TMLHE: variants seen among roughly 807,000 people sequenced by gnomAD.
The protein encoded by TMLHE is trimethyllysine dioxygenase, mitochondrial.
TMLHE carries 18 observed loss-of-function variants against 25.7 expected under a neutral mutation model. That is an observed-to-expected ratio of 0.70 (90% confidence interval 0.48 to 1.04). The LOEUF (loss-of-function observed/expected upper bound fraction) is 1.04. Ranked by LOEUF, TMLHE falls within the 50% of genes least tolerant of loss-of-function variation. TMLHE has a pLI of 0.00. For synonymous variants in TMLHE, 105 were observed against 97.0 expected (o/e 1.08, Z -0.49); for missense variants, 236 against 259.0 (o/e 0.91, Z 0.61).
intron 2 of TMLHE, among the ~76,000 whole-genome samples, chrX:155,530,622 T>C (rs1557336986): frequency 8.9e-6 from 1 of 112,522 alleles, no homozygotes; most frequent in African/African-American, 3.2e-5. Context: ...TGCTTCACTA[T>C]AGTAACCATT....
At chrX:155,550,837 G>C (rs1292172751) in intron 1 of TMLHE, among the ~76,000 whole-genome samples, 1 of 110,567 alleles carries the variant, frequency 9.0e-6, no homozygotes. Context: ...TTGGTTATTT[G>C]GTTACTATGT....
At chrX:155,551,658 G>A (rs782760706) in intron 1 of TMLHE, among the ~76,000 whole-genome samples, 1 of 109,612 alleles carries the variant, frequency 9.1e-6, no homozygotes, top group South Asian at 3.8e-4. Flanking sequence ...ATCCTCTGAA[G>A]TTTTCCATCT....
intron 1 of TMLHE, among the ~76,000 whole-genome samples, chrX:155,601,071 C>T (rs1429603426): frequency 9.0e-6 from 1 of 111,480 alleles, no homozygotes; most frequent in Admixed American, 9.5e-5. Flanking sequence ...AGAAAAATAC[C>T]CAAAATTTTC....
chrX:155,557,512 A>G (rs954610713), intron 1 of TMLHE, among the ~76,000 whole-genome samples: 39 of 111,890 alleles, frequency 3.5e-4, no homozygotes, highest in African/African-American at 1.2e-3. Context: ...CTTTTCAAAA[A>G]TTCCTCATCA....
At chrX:155,577,751 G>GT (rs1449477628) in intron 1 of TMLHE, among the ~76,000 whole-genome samples, 1 of 111,389 alleles carries the variant, frequency 9.0e-6, no homozygotes, top group Non-Finnish European at 1.9e-5. Context: ...AGTAATTGCA[G>GT]TTTTTGCCTT....
chrX:155,512,015 T>C (rs2067116712), intron 4 of TMLHE, among the ~76,000 whole-genome samples: 1 of 111,186 alleles, frequency 9.0e-6, no homozygotes, highest in African/African-American at 3.3e-5. Flanking sequence ...TGTGGAAGTA[T>C]AATATTGTAT....
chrX:155,533,411 C>A (rs1176777683), intron 2 of TMLHE, among the ~76,000 whole-genome samples: 1 of 111,771 alleles, frequency 8.9e-6, no homozygotes, highest in Non-Finnish European at 1.9e-5. Flanking sequence ...ATATATCCCC[C>A]TATTGGTTCT....
intron 1 of TMLHE, among the ~76,000 whole-genome samples, chrX:155,582,279 C>G (rs1290359885): frequency 3.6e-5 from 4 of 112,133 alleles, no homozygotes; most frequent in Non-Finnish European, 7.5e-5. Context: ...GACTTCATGA[C>G]TAAAACACCA....
At chrX:155,580,628 T>TCAACAAAATTCA (rs2067620253) in intron 1 of TMLHE, among the ~76,000 whole-genome samples, 1 of 112,021 alleles carries the variant, frequency 8.9e-6, no homozygotes, top group Non-Finnish European at 1.9e-5. Flanking sequence ...TTAATGGACT[T>TCAACAAAATTCA]ACAGTTCCAC....
chrX:155,522,340 T>C (rs868968702), intron 3 of TMLHE, among the ~76,000 whole-genome samples: 1 of 111,938 alleles, frequency 8.9e-6, no homozygotes, highest in Middle Eastern at 4.6e-3. Flanking sequence ...GTTAACTTGT[T>C]ATATAACCAC....
At chrX:155,581,109 A>G (rs1326305144) in intron 1 of TMLHE, among the ~76,000 whole-genome samples, 4 of 111,819 alleles carry the variant, frequency 3.6e-5, no homozygotes, top group African/African-American at 1.3e-4. Context: ...AAAGGCCTTC[A>G]ACAAAATTCA....
At chrX:155,575,383 A>G (rs2067583545) in intron 1 of TMLHE, among the ~76,000 whole-genome samples, 1 of 112,268 alleles carries the variant, frequency 8.9e-6, no homozygotes, top group African/African-American at 3.2e-5. Flanking sequence ...ATCGTAACAT[A>G]TGAGTCATTG....
At chrX:155,534,611 TC>T (rs2067267832) in intron 2 of TMLHE, among the ~76,000 whole-genome samples, 1 of 111,465 alleles carries the variant, frequency 9.0e-6, no homozygotes, top group Non-Finnish European at 1.9e-5. Flanking sequence ...CACATACTTA[TC>T]TGGTTTCACA....
At chrX:155,525,178 T>A (rs1346151777) in intron 2 of TMLHE, among the ~76,000 whole-genome samples, 3 of 111,692 alleles carry the variant, frequency 2.7e-5, no homozygotes, top group Non-Finnish European at 5.6e-5. Flanking sequence ...ATCCCCAGTG[T>A]TGGGGGAGGG....
At chrX:155,607,300 T>C (rs2067792759) in intron 1 of TMLHE, among the ~76,000 whole-genome samples, 1 of 112,069 alleles carries the variant, frequency 8.9e-6, no homozygotes, top group Non-Finnish European at 1.9e-5. Flanking sequence ...ATTAATCACA[T>C]AAACAAAACT....
At chrX:155,599,026 T>G (rs1363876474) in intron 1 of TMLHE, among the ~76,000 whole-genome samples, 4 of 111,406 alleles carry the variant, frequency 3.6e-5, no homozygotes, top group African/African-American at 1.3e-4. Flanking sequence ...CTCCTCCTTC[T>G]CAGCCTACTC....
chrX:155,605,282 A>AC (rs2067780395), intron 1 of TMLHE, among the ~76,000 whole-genome samples: 1 of 111,807 alleles, frequency 8.9e-6, no homozygotes, highest in Non-Finnish European at 1.9e-5. Context: ...ACATCACTAG[A>AC]AAGGACAACA....
intron 2 of TMLHE, among the ~76,000 whole-genome samples, chrX:155,526,682 A>G (rs781821897): frequency 1.8e-5 from 2 of 112,862 alleles, no homozygotes; most frequent in African/African-American, 6.4e-5. Flanking sequence ...AGCCTGTGAA[A>G]GCACCCCCAG....
At chrX:155,547,355 A>C (rs922014935) in intron 1 of TMLHE, among the ~76,000 whole-genome samples, 1 of 109,246 alleles carries the variant, frequency 9.2e-6, no homozygotes, top group Non-Finnish European at 1.9e-5. Context: ...CGTGTTAGCC[A>C]GGATGGTCTC....
Sources: allele counts gnomAD v4.1 joint callset (sites outside exome capture counted in the v4.1 genomes callset), GRCh38; gene constraint gnomAD v4.1.1; transcripts MANE v1.5; gene names NCBI Gene and HGNC (gene_info 2026-07-23, HGNC 2026-07-21).